ARHGAP10: variants seen among roughly 807,000 people sequenced by gnomAD.
ARHGAP10 encodes the protein rho GTPase-activating protein 10.
A neutral mutation model predicts 108.6 loss-of-function variants in ARHGAP10; 87 were observed. The ratio of observed to expected loss-of-function variants is 0.80; its 90% confidence interval spans 0.67 to 0.96. The LOEUF (loss-of-function observed/expected upper bound fraction) is 0.96, where lower values mean the gene tolerates loss of function less well. Ranked by LOEUF, ARHGAP10 falls within the 40% of genes least tolerant of loss-of-function variation. The pLI is 0.00. For synonymous variants in ARHGAP10, 347 were observed against 341.1 expected, an observed-to-expected ratio of 1.02 and a Z score of -0.19; for missense variants, 939 against 954.5, an observed-to-expected ratio of 0.98 and a Z score of 0.21.
intron 3 of ARHGAP10, among the ~76,000 whole-genome samples, chr4:147,846,530 T>C (rs964605559): frequency 1.3e-5 from 2 of 152,132 alleles, no homozygotes; most frequent in Admixed American, 1.3e-4. Flanking sequence ...CCAGCCAACA[T>C]AAAAAGAAAA....
chr4:147,784,410 G>T (rs1730718080), intron 1 of ARHGAP10, among the ~76,000 whole-genome samples: 2 of 121,824 alleles, frequency 1.6e-5, no homozygotes, highest in Non-Finnish European at 1.6e-5. Context: ...ATAATATAAA[G>T]TTATATATAA....
intron 19 of ARHGAP10, among the ~76,000 whole-genome samples, chr4:148,034,248 C>A (rs1215985795): frequency 6.6e-6 from 1 of 152,148 alleles, no homozygotes; most frequent in South Asian, 2.1e-4. Flanking sequence ...GTAATTTAGT[C>A]TTTTATTTCT....
chr4:147,974,886 T>G (rs1050909359), intron 18 of ARHGAP10, among the ~76,000 whole-genome samples: 3 of 152,264 alleles, frequency 2.0e-5, no homozygotes, highest in Non-Finnish European at 2.9e-5. Context: ...AACTCCCCTT[T>G]ATAAAACCAT....
chr4:147,973,324 G>A (rs902539404), intron 18 of ARHGAP10, among the ~76,000 whole-genome samples: 1 of 152,152 alleles, frequency 6.6e-6, no homozygotes, highest in Admixed American at 6.5e-5. Flanking sequence ...TTCTTTAGAG[G>A]AACTTAAACA....
chr4:147,759,580 GC>G (rs34854334), intron 1 of ARHGAP10, among the ~76,000 whole-genome samples: 96,923 of 139,394 alleles, frequency 0.7, 36,570 homozygotes, highest in Non-Finnish European at 0.83. Context: ...GTGATACACC[GC>G]CCCCCCCCCC....
At chr4:147,898,372 T>A (rs1278740416) in intron 10 of ARHGAP10, among the ~76,000 whole-genome samples, 1 of 152,138 alleles carries the variant, frequency 6.6e-6, no homozygotes, top group Non-Finnish European at 1.5e-5. Flanking sequence ...TGATAAGTCA[T>A]CCATTTTTCT....
chr4:147,814,996 C>T (rs948785940), intron 1 of ARHGAP10, among the ~76,000 whole-genome samples: 8 of 152,268 alleles, frequency 5.3e-5, no homozygotes, highest in Non-Finnish European at 1.0e-4. Context: ...GCTTTCTTGG[C>T]GTCGAAGCCA....
chr4:147,880,699 T>A (rs1189322444), intron 9 of ARHGAP10, among the ~76,000 whole-genome samples: 2 of 152,116 alleles, frequency 1.3e-5, no homozygotes, highest in Non-Finnish European at 2.9e-5. Context: ...ATTTCTGCAT[T>A]GCAAATTAAG....
chr4:147,877,068 G>A (rs1735099883), intron 8 of ARHGAP10, among the ~76,000 whole-genome samples: 1 of 152,108 alleles, frequency 6.6e-6, no homozygotes, highest in Non-Finnish European at 1.5e-5. Flanking sequence ...AGGCCCTGTT[G>A]GTTGTCAGAA....
intron 20 of ARHGAP10, among the ~76,000 whole-genome samples, chr4:148,061,329 C>A (rs1244711771): frequency 2.0e-5 from 3 of 152,080 alleles, no homozygotes. Context: ...CCTCCAAGCA[C>A]CTTGAATAAT....
chr4:148,016,706 G>T (rs1260182020), intron 18 of ARHGAP10, among the ~76,000 whole-genome samples: 1 of 152,106 alleles, frequency 6.6e-6, no homozygotes, highest in African/African-American at 2.4e-5. Flanking sequence ...GGTAGTGCCA[G>T]ATGCCACAGA....
At chr4:148,010,055 T>TGGG (rs1741111759) in intron 18 of ARHGAP10, among the ~76,000 whole-genome samples, 1 of 152,244 alleles carries the variant, frequency 6.6e-6, no homozygotes, top group African/African-American at 2.4e-5. Flanking sequence ...GTCTGTGTTT[T>TGGG]GGTCTTAGTT....
At chr4:147,966,135 A>G (rs1404186830) in intron 17 of ARHGAP10, among the ~76,000 whole-genome samples, 1 of 152,238 alleles carries the variant, frequency 6.6e-6, no homozygotes, top group African/African-American at 2.4e-5. Flanking sequence ...GCAGTCTAGT[A>G]TTCCTTGGAA....
chr4:147,900,469 C>T (rs3893175), intron 10 of ARHGAP10, among the ~76,000 whole-genome samples: 112,894 of 151,940 alleles, frequency 0.74, 45,915 homozygotes, highest in Non-Finnish European at 0.92. Context: ...TTATTTTTTT[C>T]GTTCATGAAA....
intron 15 of ARHGAP10, among the ~76,000 whole-genome samples, chr4:147,952,673 C>A (rs1299029275): frequency 6.6e-6 from 1 of 151,822 alleles, no homozygotes; most frequent in Non-Finnish European, 1.5e-5. Flanking sequence ...TCTTAGATAC[C>A]TGCTTTACAA....
At chr4:147,813,565 T>C (rs907952000) in intron 1 of ARHGAP10, among the ~76,000 whole-genome samples, 1 of 152,204 alleles carries the variant, frequency 6.6e-6, no homozygotes, top group Non-Finnish European at 1.5e-5. Context: ...GGCAGTGACA[T>C]GGCAGCAAAC....
intron 1 of ARHGAP10, among the ~76,000 whole-genome samples, chr4:147,814,411 TGTGCC>T (rs1322442597): frequency 2.6e-5 from 4 of 152,178 alleles, no homozygotes; most frequent in Admixed American, 6.5e-5. Flanking sequence ...GTTTCTCATT[TGTGCC>T]GTGAATGTTG....
chr4:147,997,575 G>A (rs1365826530), intron 18 of ARHGAP10, among the ~76,000 whole-genome samples: 3 of 152,190 alleles, frequency 2.0e-5, no homozygotes, highest in Non-Finnish European at 2.9e-5. Flanking sequence ...ATTGGATGTG[G>A]AGGACAAAGA....
chr4:147,932,315 A>G (rs987000699), intron 13 of ARHGAP10, among the ~76,000 whole-genome samples: 6 of 152,174 alleles, frequency 3.9e-5, no homozygotes, highest in Admixed American at 1.3e-4. Context: ...TATATACCCA[A>G]AGGAATGTAA....
Sources: gnomAD v4.1 joint callset for allele counts (sites outside exome capture counted in the v4.1 genomes callset) on GRCh38, gnomAD v4.1.1 for gene constraint, MANE v1.5 for transcripts, NCBI Gene and HGNC (gene_info 2026-07-23, HGNC 2026-07-21) for gene names.